The following ITGA8 variants were observed in gnomAD, a reference collection of about 807,000 sequenced individuals.
The protein encoded by ITGA8 is integrin alpha-8.
Under a neutral mutation model 142.3 loss-of-function variants are expected in ITGA8, and 91 were observed. The ratio of observed to expected loss-of-function variants is 0.64; its 90% CI spans 0.54 to 0.76. ITGA8 has a LOEUF of 0.76. Among genes scored for constraint, ITGA8 ranks in the 30% least tolerant of loss-of-function variants. ITGA8 has a pLI of 0.00. For missense variants in ITGA8, 1,406 were observed against 1,327.7 expected (o/e 1.06, Z -0.92); for synonymous variants, 505 against 485.2 (o/e 1.04, Z -0.54).
intron 28 of ITGA8, among the ~76,000 whole-genome samples, chr10:15,529,128 A>G (rs935726023): frequency 6.6e-6 from 1 of 150,634 alleles, no homozygotes; most frequent in Non-Finnish European, 1.5e-5. Context: ...GGTCTCGCCC[A>G]GGTTGAGTGC....
In ITGA8 at chr10:15,705,906, A is replaced by C. The variant is rs189177148; in HGVS notation, c.343+12860T>G. On this transcript the variant is annotated intron_variant, in intron 2 of 29. Coordinates refer to ENST00000378076, the MANE Select transcript of ITGA8 (RefSeq NM_003638.3). Reference sequence around the variant, plus strand: ...AATCCCCGGTATTTCTGTAAATGTCATGGTGCCCCAGGAGTCAATCTCAAA... The same window carrying C: ...AATCCCCGGTATTTCTGTAAATGTCCTGGTGCCCCAGGAGTCAATCTCAAA... Among the ~76,000 whole-genome samples the C allele has an allele frequency of 2.1e-3, 320 of 152,148 alleles. 1 individual carries two copies. Among genetic ancestry groups the C allele is most frequent in the African/African-American group, 7.4e-3 (308 of 41,500 alleles).
At chr10:15,656,593 A>G (rs1436232678) in intron 10 of ITGA8, among the ~76,000 whole-genome samples, 1 of 151,780 alleles carries the variant, frequency 6.6e-6, no homozygotes, top group Non-Finnish European at 1.5e-5. Context: ...TGAATTCCTG[A>G]CCTCAGGTGA....
chr10:15,548,849 C>T (rs966755509), intron 26 of ITGA8, among the ~76,000 whole-genome samples: 1 of 152,114 alleles, frequency 6.6e-6, no homozygotes, highest in African/African-American at 2.4e-5. Context: ...TTTCTCAGAA[C>T]TGGGGAAGGC....
intron 13 of ITGA8, among the ~76,000 whole-genome samples, chr10:15,629,362 C>T (rs1833643258): frequency 6.6e-6 from 1 of 151,998 alleles, no homozygotes; most frequent in African/African-American, 2.4e-5. Flanking sequence ...AAATTGATAG[C>T]ATATCTTTAT....
At chr10:15,533,271 A>C (rs1833349445) in intron 27 of ITGA8, among the ~76,000 whole-genome samples, 1 of 152,142 alleles carries the variant, frequency 6.6e-6, no homozygotes, top group African/African-American at 2.4e-5. Flanking sequence ...AATATCTTTG[A>C]ATGTTTCTTT....
At position 15,644,468 on chromosome 10, in the gene ITGA8, A is replaced by ATATAT. The variant is rs1564388861; in HGVS notation, c.1208-252_1208-248dup. Among the ~76,000 whole-genome samples, 50 of 24,226 alleles carry ATATAT rather than the reference A, an allele frequency of 2.1e-3. 3 individuals are homozygous for ATATAT. In the East Asian group the frequency reaches 0.13, roughly 62 times the overall value. The allele number at this position is 24,226 out of a possible 152,430, so 15.9% of individuals were successfully genotyped here. ...TATATATATATATATATATATATAT[A>ATATAT]TATATATATATATATATATATATAG... On this transcript the variant is annotated intron_variant, in intron 12 of 29. Coordinates refer to ENST00000378076, the MANE Select transcript of ITGA8 (RefSeq NM_003638.3).
rs145072398 is a variant in ITGA8 at position 15,613,689 on chromosome 10, C to T, written c.1524G>A (p.Gln508=). Residue 508 remains glutamine, a synonymous_variant, in exon 15 of 30, where the codon CAG becomes CAA. Transcript: ENST00000378076. ...MIINLENKTC[Q]VPDSMTSAAC... ...CAGCAGATGTCATAGAGTCTGGAACCTGGCAAGTTTTATTTTCAAGATTGA... is the reference window on the plus strand; with the variant it reads ...CAGCAGATGTCATAGAGTCTGGAACTTGGCAAGTTTTATTTTCAAGATTGA... 8 of 1,613,808 alleles carry T rather than the reference C, an allele frequency of 5.0e-6. No individual in the cohort carries two copies. In the African/African-American group the frequency reaches 6.7e-5, roughly 13 times the overall value.
chr10:15,555,765 G>A (rs555928957), intron 26 of ITGA8, among the ~76,000 whole-genome samples: 7 of 151,554 alleles, frequency 4.6e-5, no homozygotes, highest in Non-Finnish European at 1.0e-4. Flanking sequence ...GCGCGATCTC[G>A]GCTCACTGCA....
intron 13 of ITGA8, among the ~76,000 whole-genome samples, chr10:15,640,530 G>C (rs369803328): frequency 6.6e-6 from 1 of 152,212 alleles, no homozygotes. Context: ...GGCCTAGAAC[G>C]TAGCATTTAC....
intron 2 of ITGA8, among the ~76,000 whole-genome samples, chr10:15,715,340 G>A (rs2131742879): frequency 6.6e-6 from 1 of 152,222 alleles, no homozygotes; most frequent in East Asian, 1.9e-4. Context: ...CTGGAGTAGG[G>A]GAATGGAGGA....
chr10:15,704,253 T>C (rs921406675), intron 2 of ITGA8, among the ~76,000 whole-genome samples: 1 of 152,190 alleles, frequency 6.6e-6, no homozygotes, highest in East Asian at 1.9e-4. Context: ...CCAGTCTGCC[T>C]TCCTCCAGCA....
Position 15,644,250 on chromosome 10 carries a change from G to T in ITGA8, c.1208-29C>A, listed in dbSNP as rs753526323. ...AAAACAGACATAAAACATGTTTTAT[G>T]TGTATATGTATTTAATTCTTCATTT... On this transcript the variant is annotated intron_variant, in intron 12 of 29. Coordinates refer to ENST00000378076, the MANE Select transcript of ITGA8 (RefSeq NM_003638.3). The T allele has an allele frequency of 8.8e-6, 14 of 1,589,776 alleles. No homozygotes were observed. In the Admixed American group the frequency reaches 2.4e-4, roughly 27 times the overall value.
At chr10:15,629,262 T>C (rs967246847) in intron 13 of ITGA8, among the ~76,000 whole-genome samples, 14 of 151,920 alleles carry the variant, frequency 9.2e-5, no homozygotes, top group Non-Finnish European at 1.5e-5. Flanking sequence ...GTTACATGCC[T>C]CCCCCATATT....
chr10:15,684,281 T>C (rs1046292820), intron 3 of ITGA8, among the ~76,000 whole-genome samples, 154 bp from the exon 4 acceptor site: 4 of 152,156 alleles, frequency 2.6e-5, no homozygotes, highest in African/African-American at 9.7e-5. Context: ...CAGAGGTAAT[T>C]AAACTTCCAA....
Position 15,588,049 on chromosome 10 carries a change from T to C in ITGA8, c.2292-1385A>G, listed in dbSNP as rs532645198. The stretch of plus-strand genomic sequence containing the variant: ...AGGTCATGTTTATATTCAGGTGTCA[T>C]TAGGAAGAGAAGGCCTCCTCTTTTT... On this transcript the variant is annotated intron_variant, in intron 22 of 29. Coordinates refer to ENST00000378076, the MANE Select transcript of ITGA8 (RefSeq NM_003638.3). Among the ~76,000 whole-genome samples the C allele has an allele frequency of 5.3e-5, 8 of 152,194 alleles. No individual in the cohort carries two copies. In the South Asian group the frequency reaches 1.5e-3, roughly 28 times the overall value.
intron 4 of ITGA8, among the ~76,000 whole-genome samples, chr10:15,681,751 A>C (rs1834741812): frequency 6.6e-6 from 1 of 152,162 alleles, no homozygotes; most frequent in South Asian, 2.1e-4. Context: ...AGTTACAGTT[A>C]TTTGCTGTTT....
chr10:15,620,182 T>C (rs993580119), intron 13 of ITGA8, among the ~76,000 whole-genome samples: 1 of 152,152 alleles, frequency 6.6e-6, no homozygotes, highest in African/African-American at 2.4e-5. Flanking sequence ...ATAGGGAGCA[T>C]AAGTAATAAT....
Position 15,684,020 on chromosome 10 carries a change from G to T in ITGA8, c.552C>A (p.Phe184Leu). The change falls in exon 4 of 30, where the codon TTC (phenylalanine) becomes TTA (leucine). Residue 184 changes from phenylalanine to leucine, a missense_variant. Transcript: ENST00000378076. ...GTTGCTTACTGTTCCGGCAAGGAGA[G>T]AACTCGGCATAGGCGCTGAAGTTCT... is the stretch of plus-strand genomic sequence containing the variant. ...AIQNFSAYAEFSPCRNSNADP... is the reference protein window; with the variant it reads ...AIQNFSAYAELSPCRNSNADP... The T allele has an allele frequency of 1.2e-6, 2 of 1,614,168 alleles. No individual in the cohort carries two copies. The highest frequency in any genetic ancestry group is 1.7e-6 in the Non-Finnish European group (2 of 1,180,020).
At chr10:15,583,546 C>T (rs1334116893) in intron 23 of ITGA8, among the ~76,000 whole-genome samples, 1 of 152,100 alleles carries the variant, frequency 6.6e-6, no homozygotes, top group Admixed American at 6.5e-5. Flanking sequence ...AAGAAACTGT[C>T]TACTGATACA....
Sources: allele counts gnomAD v4.1 joint callset (sites outside exome capture counted in the v4.1 genomes callset), GRCh38; gene constraint gnomAD v4.1.1; transcripts MANE v1.5; gene names NCBI Gene and HGNC (gene_info 2026-07-23, HGNC 2026-07-21).